The following MYO1D variants were observed in gnomAD, a reference collection of about 807,000 sequenced individuals.
MYO1D encodes myosin ID.
In MYO1D, 83 loss-of-function variants were observed where a neutral mutation model predicts 122.0. The observed-to-expected ratio is 0.68, with a 90% confidence interval of 0.57 to 0.82. The LOEUF is 0.82. Among genes scored for constraint, MYO1D ranks in the 40% least tolerant of loss-of-function variants. MYO1D has a pLI of 0.00. For missense variants in MYO1D, 1,157 were observed against 1,269.5 expected, an observed-to-expected ratio of 0.91 and a Z score of 1.35; for synonymous variants, 464 against 446.9, an observed-to-expected ratio of 1.04 and a Z score of -0.48.
intron 16 of MYO1D, among the ~76,000 whole-genome samples, chr17:32,710,000 T>C (rs1324737561): frequency 6.6e-6 from 1 of 152,180 alleles, no homozygotes; most frequent in African/African-American, 2.4e-5. Flanking sequence ...TTTAATATTG[T>C]AGAAATGTTA....
intron 20 of MYO1D, among the ~76,000 whole-genome samples, chr17:32,610,511 C>T (rs530956496): frequency 1.3e-5 from 2 of 152,260 alleles, no homozygotes; most frequent in East Asian, 3.9e-4. Context: ...CTAAGGATGA[C>T]CTGGGTGTTA....
chr17:32,800,995 T>C (rs986029278), intron 1 of MYO1D, among the ~76,000 whole-genome samples: 5 of 152,080 alleles, frequency 3.3e-5, no homozygotes, highest in African/African-American at 1.2e-4. Context: ...AACATCACAC[T>C]GTACCCCATA....
intron 15 of MYO1D, among the ~76,000 whole-genome samples, chr17:32,712,601 A>G (rs1938292624): frequency 6.6e-6 from 1 of 152,238 alleles, no homozygotes; most frequent in African/African-American, 2.4e-5. Context: ...TGACTGACAG[A>G]AAAACAAAAT....
chr17:32,495,386 T>C (rs8069868), intron 21 of MYO1D: 93,646 of 153,606 alleles, frequency 0.61, 29,404 homozygotes, highest in Middle Eastern at 0.68. Flanking sequence ...GGGCCTGACT[T>C]GGGTTTCCCC....
At chr17:32,847,988 TTTCC>T (rs2090953022) in intron 1 of MYO1D, among the ~76,000 whole-genome samples, 1 of 152,242 alleles carries the variant, frequency 6.6e-6, no homozygotes, top group Admixed American at 6.5e-5. Context: ...AGTACAAGTA[TTTCC>T]TACAGGGTAC....
chr17:32,736,575 C>G (rs1053837238), intron 14 of MYO1D, among the ~76,000 whole-genome samples: 1 of 152,182 alleles, frequency 6.6e-6, no homozygotes, highest in South Asian at 2.1e-4. Flanking sequence ...ATAAATGTCT[C>G]TCTTATTTAA....
chr17:32,538,368 T>C (rs895070124), intron 21 of MYO1D, among the ~76,000 whole-genome samples: 2 of 151,930 alleles, frequency 1.3e-5, no homozygotes, highest in Non-Finnish European at 2.9e-5. Context: ...CACTGTAACC[T>C]TGAGCTCCTG....
intron 16 of MYO1D, among the ~76,000 whole-genome samples, chr17:32,690,603 A>G (rs1338210979): frequency 3.3e-5 from 5 of 152,196 alleles, no homozygotes; most frequent in African/African-American, 1.2e-4. Flanking sequence ...ATCACGGAGC[A>G]GATCCCTCAT....
intron 4 of MYO1D, 46 bp from the exon 5 acceptor site, chr17:32,772,888 A>G (rs574057917): frequency 5.9e-6 from 9 of 1,517,698 alleles, no homozygotes; most frequent in African/African-American, 2.7e-5. Flanking sequence ...ATGTGCCCCT[A>G]AAATAAAACA....
At chr17:32,673,632 A>G (rs1293624008) in intron 16 of MYO1D, among the ~76,000 whole-genome samples, 1 of 152,244 alleles carries the variant, frequency 6.6e-6, no homozygotes, top group Non-Finnish European at 1.5e-5. Flanking sequence ...ATGGAGGCTA[A>G]TGCCTGTATT....
chr17:32,658,020 C>G (rs182080433), intron 17 of MYO1D, among the ~76,000 whole-genome samples: 1 of 152,208 alleles, frequency 6.6e-6, no homozygotes, highest in East Asian at 1.9e-4. Context: ...TATGTGACTA[C>G]GTAAAAAGCC....
chr17:32,620,903 T>C (rs938510792), intron 20 of MYO1D, among the ~76,000 whole-genome samples: 2 of 152,230 alleles, frequency 1.3e-5, no homozygotes, highest in Middle Eastern at 3.2e-3. Context: ...AGTATTTGCA[T>C]ATACACATTG....
At chr17:32,583,472 C>T (rs1174938880) in intron 21 of MYO1D, among the ~76,000 whole-genome samples, 3 of 152,116 alleles carry the variant, frequency 2.0e-5, no homozygotes, top group Non-Finnish European at 4.4e-5. Flanking sequence ...TTCTGTCCTC[C>T]TCCTTCCTTC....
intron 16 of MYO1D, among the ~76,000 whole-genome samples, chr17:32,661,753 T>C (rs1247155045): frequency 6.6e-6 from 1 of 152,164 alleles, no homozygotes; most frequent in Non-Finnish European, 1.5e-5. Flanking sequence ...GAGATTTAGC[T>C]CTCTCACCAT....
intron 20 of MYO1D, among the ~76,000 whole-genome samples, chr17:32,608,493 C>T (rs968464157): frequency 6.6e-6 from 1 of 152,118 alleles, no homozygotes; most frequent in Non-Finnish European, 1.5e-5. Context: ...AGTGATAATA[C>T]TAAATGCTGG....
intron 1 of MYO1D, among the ~76,000 whole-genome samples, chr17:32,871,747 A>G (rs1461490454): frequency 6.6e-6 from 1 of 152,220 alleles, no homozygotes; most frequent in Non-Finnish European, 1.5e-5. Flanking sequence ...TTTCACGCAC[A>G]TGGCTGAGAG....
At chr17:32,601,050 T>TTCTC (rs1567904624) in intron 21 of MYO1D, among the ~76,000 whole-genome samples, 1 of 151,868 alleles carries the variant, frequency 6.6e-6, no homozygotes, top group East Asian at 1.9e-4. Flanking sequence ...TTCAGCCTCT[T>TTCTC]AAGTAGCTGG....
intron 16 of MYO1D, among the ~76,000 whole-genome samples, chr17:32,698,612 A>G (rs2089205747): frequency 6.6e-6 from 1 of 152,108 alleles, no homozygotes. Context: ...CAATTTTCAG[A>G]TAATGATTCT....
At chr17:32,519,019 T>G (rs1910001767) in intron 21 of MYO1D, 1 of 152,202 alleles carries the variant, frequency 6.6e-6, no homozygotes, top group Non-Finnish European at 1.5e-5. Context: ...GGACGTCGAG[T>G]CTCACCTCCT....
Sources: gnomAD v4.1 joint callset for allele counts (sites outside exome capture counted in the v4.1 genomes callset) on GRCh38, gnomAD v4.1.1 for gene constraint, MANE v1.5 for transcripts, NCBI Gene and HGNC (gene_info 2026-07-23, HGNC 2026-07-21) for gene names.